ZNF385D: variants seen among roughly 807,000 people sequenced by gnomAD.
ZNF385D encodes the protein zinc finger protein 659.
In ZNF385D, 15 loss-of-function variants were observed where a neutral mutation model predicts 35.8. That is an observed-to-expected ratio of 0.42 (90% CI 0.28 to 0.64). The LOEUF (loss-of-function observed/expected upper bound fraction) is 0.64, where lower values mean the gene tolerates loss of function less well. ZNF385D is among the 30% of genes least tolerant of loss of function. The pLI, the probability that ZNF385D is intolerant of heterozygous loss-of-function variation, is 0.23. For missense variants in ZNF385D, 474 were observed against 494.6 expected (o/e 0.96, Z 0.39); for synonymous variants, 212 against 186.8 (o/e 1.13, Z -1.10).
In ZNF385D at chr3:22,305,321, A is replaced by T. The variant is rs188837374; in HGVS notation, c.106+67129T>A. Among the ~76,000 whole-genome samples, 1,084 of 152,090 alleles carry T rather than the reference A, an allele frequency of 7.1e-3. 9 individuals are homozygous for T. Among genetic ancestry groups the T allele is most frequent in the African/African-American group, 0.024 (1,004 of 41,486 alleles). On this transcript the variant is annotated intron_variant, in intron 2 of 5. Coordinates refer to the ZNF385D transcript ENST00000494108. ...ATTTTTCGTAGCTTCTAGGTTTTTT[A>T]AAAAATTCTTTATTTAAATTCACTC...
intron 2 of ZNF385D, among the ~76,000 whole-genome samples, chr3:22,314,307 C>G (rs78882456): frequency 6.6e-6 from 1 of 151,894 alleles, no homozygotes; most frequent in African/African-American, 2.4e-5. Flanking sequence ...CAAAGTCTAT[C>G]GTATCATTCT....
At chr3:21,837,365 T>C (rs893991583) in intron 3 of ZNF385D, among the ~76,000 whole-genome samples, 3 of 152,076 alleles carry the variant, frequency 2.0e-5, no homozygotes, top group Admixed American at 2.0e-4. Flanking sequence ...TGTTTTCTCA[T>C]GTAGCTGTTT....
intron 2 of ZNF385D, among the ~76,000 whole-genome samples, chr3:22,280,127 CTGTT>C (rs957535752): frequency 1.5e-4 from 23 of 151,442 alleles, no homozygotes; most frequent in African/African-American, 5.6e-4. Context: ...TTTGATGGGG[CTGTT>C]TATTTCTTGC....
At chr3:21,593,048 C>G (rs193213327) in intron 2 of ZNF385D, among the ~76,000 whole-genome samples, 2 of 152,158 alleles carry the variant, frequency 1.3e-5, no homozygotes, top group African/African-American at 4.8e-5. Flanking sequence ...CTCCACACAT[C>G]TACAGCCACC....
intron 3 of ZNF385D, among the ~76,000 whole-genome samples, chr3:21,890,347 G>T (rs1376469371): frequency 6.6e-6 from 1 of 152,142 alleles, no homozygotes; most frequent in South Asian, 2.1e-4. Flanking sequence ...GGCCAGGAGC[G>T]GTGGCTCATG....
intron 3 of ZNF385D, among the ~76,000 whole-genome samples, chr3:22,095,404 G>A (rs1468786489): frequency 6.6e-6 from 1 of 151,432 alleles, no homozygotes; most frequent in African/African-American, 2.4e-5. Context: ...GGTAACTTAG[G>A]CACTAACTTT....
At chr3:22,066,827 A>G (rs1037772322) in intron 3 of ZNF385D, among the ~76,000 whole-genome samples, 1 of 152,174 alleles carries the variant, frequency 6.6e-6, no homozygotes, top group Non-Finnish European at 1.5e-5. Flanking sequence ...CATGAAAAAG[A>G]AATTGAAAAT....
intron 2 of ZNF385D, among the ~76,000 whole-genome samples, chr3:22,202,462 T>C (rs184983963): frequency 6.6e-6 from 1 of 152,152 alleles, no homozygotes; most frequent in East Asian, 1.9e-4. Context: ...GGTGGGTGCC[T>C]TGAAAATGTT....
chr3:21,417,997 T>C lies in ZNF385D; in HGVS notation c.*3217A>G, dbSNP rs1700588649. The C allele has an allele frequency of 6.6e-6, 1 of 152,190 alleles. No individual in the cohort carries two copies. Among genetic ancestry groups the C allele is most frequent in the South Asian group, 2.1e-4 (1 of 4,836 alleles). 9.4% of individuals were successfully genotyped at this position (152,190 alleles called of 1,614,324 possible). A position where few individuals can be genotyped will look rare whatever the true frequency, so the allele number is the denominator to read the frequency against. ...AGTACTCTTCAAAGTTGAGGTCCAG[T>C]GAGAGGAGCAATTTATCATGTGTAA... On this transcript the variant is annotated 3_prime_UTR_variant, in exon 8 of 8. Coordinates refer to ENST00000281523, the MANE Select transcript of ZNF385D (RefSeq NM_024697.3).
chr3:21,459,836 C>A (rs1230910204), intron 4 of ZNF385D, among the ~76,000 whole-genome samples: 1 of 152,120 alleles, frequency 6.6e-6, no homozygotes, highest in African/African-American at 2.4e-5. Flanking sequence ...ATAACTAAGA[C>A]AATATTCAAT....
chr3:21,998,783 T>A (rs1013929959), intron 3 of ZNF385D, among the ~76,000 whole-genome samples: 4 of 152,260 alleles, frequency 2.6e-5, no homozygotes, highest in Non-Finnish European at 1.5e-5. Flanking sequence ...AAAATTATCA[T>A]TCTTAGAAGT....
chr3:22,017,621 C>T (rs574800294), intron 3 of ZNF385D, among the ~76,000 whole-genome samples: 10 of 151,914 alleles, frequency 6.6e-5, no homozygotes, highest in African/African-American at 2.4e-4. Flanking sequence ...TTTTTCCTTA[C>T]TGGGTTTCAA....
chr3:21,932,049 C>T (rs536580161), intron 3 of ZNF385D, among the ~76,000 whole-genome samples: 8 of 151,466 alleles, frequency 5.3e-5, no homozygotes, highest in Admixed American at 2.0e-4. Flanking sequence ...CACCTGTGGT[C>T]CCAGCTACTC....
intron 3 of ZNF385D, among the ~76,000 whole-genome samples, chr3:22,105,670 T>A (rs76560141): frequency 6.6e-6 from 1 of 152,012 alleles, no homozygotes; most frequent in East Asian, 1.9e-4. Context: ...GCCCAACCAG[T>A]AAGGCAGAGA....
At chr3:21,936,461 T>G (rs778977659) in intron 3 of ZNF385D, among the ~76,000 whole-genome samples, 10 of 152,118 alleles carry the variant, frequency 6.6e-5, no homozygotes, top group Non-Finnish European at 1.5e-4. Context: ...TATTTTCCCT[T>G]ACTGTTACTA....
At position 22,166,236 on chromosome 3, in the gene ZNF385D, A is replaced by G. The variant is rs188736210; in HGVS notation, c.325+2581T>C. Among the ~76,000 whole-genome samples, 200 of 130,504 alleles carry G rather than the reference A, an allele frequency of 1.5e-3. 1 individual carries two copies. The highest frequency in any genetic ancestry group is 4.6e-3 in the African/African-American group (183 of 40,084). The allele number at this position is 130,504 out of a possible 152,430, so 85.6% of individuals were successfully genotyped here. A position where few individuals can be genotyped will look rare whatever the true frequency, so the allele number is the denominator to read the frequency against. On this transcript the variant is annotated intron_variant, in intron 3 of 5. Transcript: ENST00000494108. ...GGTCACTGAAAATGTTCTTACTAAC[A>G]TGACGATACTTAAAACGTCTTGGGG... is the stretch of plus-strand genomic sequence containing the variant.
At chr3:22,324,842 T>G (rs1306118149) in intron 2 of ZNF385D, among the ~76,000 whole-genome samples, 1 of 152,160 alleles carries the variant, frequency 6.6e-6, no homozygotes, top group African/African-American at 2.4e-5. Flanking sequence ...AAAGTGGTCT[T>G]TTTTGGAGAC....
intron 2 of ZNF385D, among the ~76,000 whole-genome samples, chr3:22,353,470 G>A (rs1439176058): frequency 6.6e-6 from 1 of 152,164 alleles, no homozygotes; most frequent in Non-Finnish European, 1.5e-5. Flanking sequence ...TACAGGAGAT[G>A]TGCCCAATTT....
intron 3 of ZNF385D, among the ~76,000 whole-genome samples, chr3:22,104,354 G>A (rs1268287407): frequency 6.6e-6 from 1 of 151,852 alleles, no homozygotes; most frequent in Admixed American, 6.6e-5. Flanking sequence ...TTTATTACTC[G>A]TTCACTATAA....
Sources: allele counts gnomAD v4.1 joint callset (sites outside exome capture counted in the v4.1 genomes callset), GRCh38; gene constraint gnomAD v4.1.1; transcripts MANE v1.5; gene names NCBI Gene and HGNC (gene_info 2026-07-23, HGNC 2026-07-21).